Variants in DPP10 observed in about 807,000 individuals in gnomAD.
DPP10 encodes inactive dipeptidyl peptidase 10.
Under a neutral mutation model 120.9 loss-of-function variants are expected in DPP10, and 33 were observed. That is an observed-to-expected ratio of 0.27 (90% CI 0.21 to 0.37). The LOEUF (loss-of-function observed/expected upper bound fraction) is 0.37. Ranked by LOEUF, DPP10 falls within the 10% of genes least tolerant of loss-of-function variation. The probability of loss-of-function intolerance (pLI) is 1.00; values close to 1 mark genes in which losing one functional copy is unlikely to be tolerated. For missense variants in DPP10, 816 were observed against 942.8 expected (o/e 0.87, Z 1.76); for synonymous variants, 337 against 326.1 (o/e 1.03, Z -0.36).
chr2:114,560,318 AT>A (rs941019270), intron 1 of DPP10, among the ~76,000 whole-genome samples: 4 of 152,034 alleles, frequency 2.6e-5, no homozygotes, highest in South Asian at 2.1e-4. Flanking sequence ...TACCACTATA[AT>A]TTTTTTTAAA....
chr2:114,458,134 C>G (rs999982562), intron 1 of DPP10, among the ~76,000 whole-genome samples: 1 of 151,262 alleles, frequency 6.6e-6, no homozygotes, highest in African/African-American at 2.5e-5. Context: ...CAGTCATCTT[C>G]TTGCCTCCAT....
chr2:114,454,444 T>C (rs1337058371), intron 1 of DPP10, among the ~76,000 whole-genome samples: 1 of 152,114 alleles, frequency 6.6e-6, no homozygotes, highest in Non-Finnish European at 1.5e-5. Context: ...CATACATGAG[T>C]TCAGATAAGC....
chr2:115,289,258 A>G (rs1327049876), intron 1 of DPP10, among the ~76,000 whole-genome samples: 1 of 152,078 alleles, frequency 6.6e-6, no homozygotes, highest in African/African-American at 2.4e-5. Flanking sequence ...TCCACAAGGA[A>G]AACTACAAAA....
chr2:114,570,279 G>A (rs754161780), intron 1 of DPP10, among the ~76,000 whole-genome samples: 4 of 152,094 alleles, frequency 2.6e-5, no homozygotes, highest in Non-Finnish European at 4.4e-5. Context: ...CAGAAAATGT[G>A]GACTGGAAGC....
At chr2:114,993,837 A>C (rs1157566018) in intron 1 of DPP10, among the ~76,000 whole-genome samples, 1 of 152,050 alleles carries the variant, frequency 6.6e-6, no homozygotes, top group African/African-American at 2.4e-5. Context: ...TTTGAGAAGC[A>C]ATTGTAATGC....
intron 2 of DPP10, among the ~76,000 whole-genome samples, chr2:115,311,743 A>C (rs930083082): frequency 6.6e-6 from 1 of 152,148 alleles, no homozygotes; most frequent in Non-Finnish European, 1.5e-5. Context: ...TTAATCATAT[A>C]AATAGAAGTG....
rs1049844095 is a variant in DPP10 at position 115,125,099 on chromosome 2, G to A, written c.61-184140G>A. Among the ~76,000 whole-genome samples the A allele has an allele frequency of 3.6e-4, 55 of 152,044 alleles. 1 individual carries two copies. Among genetic ancestry groups the A allele is most frequent in the African/African-American group, 1.2e-3 (51 of 41,398 alleles). On this transcript the variant is annotated intron_variant, in intron 1 of 25. Transcript: ENST00000410059. The stretch of plus-strand genomic sequence containing the variant: ...TGAAAGGAATTCCATACTTTAACTC[G>A]GGCATTAGTGGTGATTAGTTGTCCA...
At chr2:115,673,288 G>A (rs915403013) in intron 5 of DPP10, among the ~76,000 whole-genome samples, 1 of 152,080 alleles carries the variant, frequency 6.6e-6, no homozygotes, top group African/African-American at 2.4e-5. Context: ...GTCAGGATGA[G>A]TTAATCACTT....
chr2:115,599,616 A>C (rs2083199975), intron 5 of DPP10, among the ~76,000 whole-genome samples: 1 of 152,182 alleles, frequency 6.6e-6, no homozygotes, highest in Non-Finnish European at 1.5e-5. Context: ...CGATAATTCT[A>C]GCCTCTGCAC....
chr2:114,759,054 T>A (rs553446344), intron 1 of DPP10, among the ~76,000 whole-genome samples: 1 of 152,300 alleles, frequency 6.6e-6, no homozygotes, highest in South Asian at 2.1e-4. Context: ...TCAACAAGAC[T>A]ATTGAGACAA....
chr2:114,716,084 T>A (rs961805333), intron 1 of DPP10, among the ~76,000 whole-genome samples: 1 of 151,376 alleles, frequency 6.6e-6, no homozygotes, highest in Non-Finnish European at 1.5e-5. Context: ...CACTTAAGAC[T>A]TTTAGAAAAT....
intron 13 of DPP10, among the ~76,000 whole-genome samples, chr2:115,773,809 C>T (rs1681760114): frequency 6.6e-6 from 1 of 152,022 alleles, no homozygotes; most frequent in Admixed American, 6.6e-5. Flanking sequence ...CAGTCATCTA[C>T]CATATTCTGA....
At chr2:115,287,926 G>T (rs2060470886) in intron 1 of DPP10, among the ~76,000 whole-genome samples, 1 of 152,038 alleles carries the variant, frequency 6.6e-6, no homozygotes, top group Non-Finnish European at 1.5e-5. Flanking sequence ...CTATTGATAG[G>T]CACTTGGATT....
At chr2:115,590,421 G>C (rs901931450) in intron 5 of DPP10, among the ~76,000 whole-genome samples, 1 of 152,014 alleles carries the variant, frequency 6.6e-6, no homozygotes, top group Non-Finnish European at 1.5e-5. Flanking sequence ...TGCGGTGTTT[G>C]GTTTTCTGTC....
At chr2:114,679,032 A>C (rs1310511859) in intron 1 of DPP10, among the ~76,000 whole-genome samples, 1 of 152,036 alleles carries the variant, frequency 6.6e-6, no homozygotes, top group Admixed American at 6.6e-5. Context: ...GCTTTAGCGC[A>C]CAGACTTTCC....
intron 1 of DPP10, among the ~76,000 whole-genome samples, chr2:114,486,252 T>A (rs538228582): frequency 6.6e-6 from 1 of 152,240 alleles, no homozygotes; most frequent in Admixed American, 6.5e-5. Flanking sequence ...ACACTGCATT[T>A]CAATTTCTTT....
rs190710787 is a variant in DPP10, at chr2:114,982,808, T to G, written c.61-326431T>G. Among the ~76,000 whole-genome samples the G allele has an allele frequency of 2.3e-3, 343 of 151,882 alleles. 4 individuals carry two copies. Among genetic ancestry groups the G allele is most frequent in the Non-Finnish European group, 1.2e-3 (81 of 67,954 alleles). ...TTTTTGTAGAAATGGAGTTTCGCCA[T>G]GTTGCCCAGGCTGGTCTTGAACTCC... On this transcript the variant is annotated intron_variant, in intron 1 of 25. Coordinates refer to ENST00000410059, the MANE Select transcript of DPP10 (RefSeq NM_020868.6).
Position 114,571,262 on chromosome 2 carries a change from G to C in DPP10, c.60+128424G>C, listed in dbSNP as rs114273146. 1.2e-3 allele frequency among the ~76,000 whole-genome samples: 178 copies of C among 152,174 alleles called. 1 individual carries two copies. The highest frequency in any genetic ancestry group is 4.1e-3 in the African/African-American group (170 of 41,520). On this transcript the variant is annotated intron_variant, in intron 1 of 25. Coordinates refer to ENST00000410059, the MANE Select transcript of DPP10 (RefSeq NM_020868.6). Reference sequence around the variant, plus strand: ...TGTTCTCCTGAGAGTGAGTGAATGAGTGAGTTATCGTGAGATCTGGCTGTT... The same window carrying C: ...TGTTCTCCTGAGAGTGAGTGAATGACTGAGTTATCGTGAGATCTGGCTGTT...
chr2:114,851,090 C>T (rs1178974697), intron 1 of DPP10, among the ~76,000 whole-genome samples: 2 of 152,082 alleles, frequency 1.3e-5, no homozygotes, highest in African/African-American at 4.8e-5. Flanking sequence ...CTTTTTTCCT[C>T]ATTTTTTTAT....
Sources: allele counts gnomAD v4.1 joint callset (sites outside exome capture counted in the v4.1 genomes callset), GRCh38; gene constraint gnomAD v4.1.1; transcripts MANE v1.5; gene names NCBI Gene and HGNC (gene_info 2026-07-23, HGNC 2026-07-21).